Variants in PTPRS observed in about 807,000 individuals in gnomAD.
PTPRS encodes receptor-type tyrosine-protein phosphatase S.
Under a neutral mutation model 215.3 loss-of-function variants are expected in PTPRS, and 63 were observed. That is an observed-to-expected ratio of 0.29 (90% confidence interval 0.24 to 0.36). The LOEUF is 0.36. Ranked by LOEUF, PTPRS falls within the 10% of genes least tolerant of loss-of-function variation. The pLI is 1.00. For missense variants in PTPRS, 2,258 were observed against 2,825.8 expected (o/e 0.80, Z 4.56); for synonymous variants, 1,404 against 1,191.4 (o/e 1.18, Z -3.68).
intron 13 of PTPRS, among the ~76,000 whole-genome samples, chr19:5,234,069 C>T (rs2145732370): frequency 6.7e-6 from 1 of 148,572 alleles, no homozygotes; most frequent in Non-Finnish European, 1.5e-5. Flanking sequence ...CCAAGGGCTT[C>T]ATACAATAAC....
At chr19:5,304,393 T>C (rs1312035295) in intron 1 of PTPRS, among the ~76,000 whole-genome samples, 3 of 152,018 alleles carry the variant, frequency 2.0e-5, no homozygotes, top group African/African-American at 7.3e-5. Flanking sequence ...GGCAGGAGGA[T>C]CGCTTGAATC....
intron 11 of PTPRS, among the ~76,000 whole-genome samples, chr19:5,242,113 C>T (rs1255246358): frequency 6.6e-6 from 1 of 152,208 alleles, no homozygotes; most frequent in Non-Finnish European, 1.5e-5. Context: ...GGATTACAGG[C>T]GTGGGCCACC....
At chr19:5,228,361 A>AAAAAAAAAAAAAAAAAAAG (rs1555757601) in intron 16 of PTPRS, among the ~76,000 whole-genome samples, 4 of 143,966 alleles carry the variant, frequency 2.8e-5, no homozygotes, top group African/African-American at 7.9e-5. Context: ...AAAAAAAAAA[A>AAAAAAAAAAAAAAAAAAAG]AAGAGACAGG....
intron 13 of PTPRS, 52 bp downstream of exon 13, chr19:5,238,867 G>C: frequency 1.3e-6 from 2 of 1,504,780 alleles, no homozygotes; most frequent in Non-Finnish European, 1.8e-6. Context: ...GGCTGTCTGC[G>C]GTCAGGCCGT....
At chr19:5,307,167 G>T (rs1426925625) in intron 1 of PTPRS, among the ~76,000 whole-genome samples, 1 of 152,192 alleles carries the variant, frequency 6.6e-6, no homozygotes, top group African/African-American at 2.4e-5. Context: ...AATTAGCCAG[G>T]TGTGGTGGCC....
intron 2 of PTPRS, among the ~76,000 whole-genome samples, chr19:5,285,060 T>C (rs1429430268): frequency 6.6e-6 from 1 of 152,206 alleles, no homozygotes; most frequent in Non-Finnish European, 1.5e-5. Context: ...CCTACGTTTG[T>C]GGTAACACAG....
At chr19:5,297,001 A>G (rs563260211) in intron 1 of PTPRS, among the ~76,000 whole-genome samples, 1 of 152,268 alleles carries the variant, frequency 6.6e-6, no homozygotes, top group Admixed American at 6.5e-5. Flanking sequence ...GGGGATGTAC[A>G]GAAAAGAGGG....
chr19:5,218,202 TA>T (rs5826876), intron 25 of PTPRS, among the ~76,000 whole-genome samples: 110 of 146,050 alleles, frequency 7.5e-4, no homozygotes, highest in Admixed American at 7.5e-4. Context: ...ATGTTAACTT[TA>T]AAAAAAAAAA....
At chr19:5,224,073 G>A (rs887410034) in intron 17 of PTPRS, among the ~76,000 whole-genome samples, 1 of 152,060 alleles carries the variant, frequency 6.6e-6, no homozygotes, top group African/African-American at 2.4e-5. Flanking sequence ...CAGCTACTCA[G>A]GAGGCTGTGG....
At chr19:5,296,757 G>A (rs1344079054) in intron 1 of PTPRS, among the ~76,000 whole-genome samples, 2 of 151,934 alleles carry the variant, frequency 1.3e-5, no homozygotes, top group Non-Finnish European at 2.9e-5. Flanking sequence ...GGGACAAGAT[G>A]CGCACGGCCT....
At chr19:5,214,300 C>T (rs1226111310) in intron 30 of PTPRS, 61 bp downstream of exon 30, 1 of 1,610,234 alleles carries the variant, frequency 6.2e-7, no homozygotes, top group Non-Finnish European at 8.5e-7. Context: ...AGCTGGGGCC[C>T]TCTGCCTCCC....
chr19:5,340,376 C>T (rs1439144054), intron 1 of PTPRS, among the ~76,000 whole-genome samples: 1 of 151,494 alleles, frequency 6.6e-6, no homozygotes, highest in African/African-American at 2.4e-5. Flanking sequence ...GCTTCCAGCC[C>T]AGCCCCCTCC....
At chr19:5,302,963 G>C (rs185135080) in intron 1 of PTPRS, among the ~76,000 whole-genome samples, 4 of 151,604 alleles carry the variant, frequency 2.6e-5, no homozygotes, top group Non-Finnish European at 2.9e-5. Context: ...CCAGCTACTC[G>C]GGAGGCTGAG....
At chr19:5,276,919 T>C (rs1019458238) in intron 2 of PTPRS, among the ~76,000 whole-genome samples, 1 of 152,178 alleles carries the variant, frequency 6.6e-6, no homozygotes, top group African/African-American at 2.4e-5. Context: ...GGAGAATTCA[T>C]TAACATTGTT....
intron 25 of PTPRS, 86 bp downstream of exon 25, chr19:5,218,334 G>A (rs1019381448): frequency 1.7e-6 from 2 of 1,166,436 alleles, no homozygotes; most frequent in African/African-American, 1.5e-5. Flanking sequence ...GGGGGCCAAT[G>A]AGGGGCCCCC....
chr19:5,264,547 G>A (rs1196444854), intron 5 of PTPRS, among the ~76,000 whole-genome samples: 1 of 152,128 alleles, frequency 6.6e-6, no homozygotes, highest in Non-Finnish European at 1.5e-5. Context: ...CTGGCCTCAA[G>A]CAAGCCTTCT....
At chr19:5,217,965 G>A (rs1458229493) in intron 25 of PTPRS, among the ~76,000 whole-genome samples, 1 of 152,126 alleles carries the variant, frequency 6.6e-6, no homozygotes, top group African/African-American at 2.4e-5. Context: ...GAGGTACAGG[G>A]CATTGGGCAG....
intron 15 of PTPRS, 26 bp from the exon 16 acceptor site, chr19:5,229,368 G>T (rs756647177): frequency 1.5e-6 from 2 of 1,375,204 alleles, no homozygotes; most frequent in Admixed American, 3.2e-5. Context: ...GGCGGCAGGG[G>T]AGAGAGGAGG....
intron 30 of PTPRS, among the ~76,000 whole-genome samples, chr19:5,213,919 C>A (rs1285246054): frequency 6.6e-6 from 1 of 152,188 alleles, no homozygotes; most frequent in Non-Finnish European, 1.5e-5. Context: ...CAGTTAAATA[C>A]ATATCTAAAA....
Sources: allele counts gnomAD v4.1 joint callset (sites outside exome capture counted in the v4.1 genomes callset), GRCh38; gene constraint gnomAD v4.1.1; transcripts MANE v1.5; gene names NCBI Gene and HGNC (gene_info 2026-07-23, HGNC 2026-07-21).